Variants in OSGEPL1 observed in about 807,000 individuals in gnomAD.
The protein encoded by OSGEPL1 is tRNA N6-adenosine threonylcarbamoyltransferase, mitochondrial.
Under a neutral mutation model 37.2 loss-of-function variants are expected in OSGEPL1, and 26 were observed. That is an observed-to-expected ratio of 0.70 (90% CI 0.51 to 0.97). The LOEUF is 0.97. Among genes scored for constraint, OSGEPL1 ranks in the 50% least tolerant of loss-of-function variants. The probability of loss-of-function intolerance (pLI) is 0.00; values close to 1 mark genes in which losing one functional copy is unlikely to be tolerated. For missense variants in OSGEPL1, 404 were observed against 487.0 expected (o/e 0.83, Z 1.60); for synonymous variants, 140 against 159.9 (o/e 0.88, Z 0.94).
chr2:189,762,206 T>A (rs904766824), intron 1 of OSGEPL1, among the ~76,000 whole-genome samples: 2 of 152,244 alleles, frequency 1.3e-5, no homozygotes, highest in Non-Finnish European at 2.9e-5. Flanking sequence ...AAATCTCCAC[T>A]TTTTGCTACA....
rs1294219451 is a variant in OSGEPL1 at position 189,761,748 on chromosome 2, A to G, written c.-20-88T>C. On this transcript the variant is annotated intron_variant, in intron 1 of 8. Transcript: ENST00000264151. ...ATATATAGTTTTACAGAATTACAGG[A>G]AAGTTTGTAAAAGTCACCAAAAGTT... is the stretch of plus-strand genomic sequence containing the variant. 5 of 1,338,896 alleles carry G rather than the reference A, an allele frequency of 3.7e-6. No homozygotes were observed. The African/African-American group carries it at 4.5e-5, about 12-fold the overall frequency. The allele number at this position is 1,338,896 out of a possible 1,614,324, so 82.9% of individuals were successfully genotyped here. A position where few individuals can be genotyped will look rare whatever the true frequency, so the allele number is the denominator to read the frequency against.
chr2:189,755,164 CTTAA>C lies in OSGEPL1; in HGVS notation c.609+5_609+8del. ...ACAAAAAAGAATGGAGAAATTAATT[CTTAA>C]TTACCTTGTCAAGCATGTCACCTGG... On this transcript the variant is annotated splice_donor_5th_base_variant and intron_variant, in intron 3 of 8. Transcript: ENST00000264151. The C allele has an allele frequency of 6.3e-7, 1 of 1,592,528 alleles. No individual in the cohort carries two copies. The highest frequency in any genetic ancestry group is 8.5e-7 in the Non-Finnish European group (1 of 1,174,908).
At position 189,747,138 on chromosome 2, in the gene OSGEPL1, C is replaced by A. The variant is rs1232631496; in HGVS notation, c.*59G>T. 6.5e-6 allele frequency: 1 copy of A among 152,966 alleles called. No homozygotes were observed. The highest frequency in any genetic ancestry group is 1.5e-5 in the Non-Finnish European group (1 of 68,850). 9.5% of individuals were successfully genotyped at this position (152,966 alleles called of 1,614,324 possible). A position where few individuals can be genotyped will look rare whatever the true frequency, so the allele number is the denominator to read the frequency against. ...ATCACTTGAATTCAGCAGTTCAGGA[C>A]CAGCCCGGGCAACATGGCAAGAGCC... is the stretch of plus-strand genomic sequence containing the variant. On this transcript the variant is annotated 3_prime_UTR_variant, in exon 9 of 9. Coordinates refer to ENST00000264151, the MANE Select transcript of OSGEPL1 (RefSeq NM_022353.3).
At chr2:189,752,151 A>G (rs1224567150) in intron 7 of OSGEPL1, among the ~76,000 whole-genome samples, 2 of 152,118 alleles carry the variant, frequency 1.3e-5, no homozygotes, top group African/African-American at 4.8e-5. Context: ...AAAAAAAGAA[A>G]AAAAGTAAAG....
Position 189,761,679 on chromosome 2 carries a change from A to G in OSGEPL1, c.-20-19T>C. 3 of 1,486,586 alleles carry G rather than the reference A, an allele frequency of 2.0e-6. No homozygotes were observed. In the African/African-American group the frequency reaches 4.3e-5, roughly 21 times the overall value. The allele number at this position is 1,486,586 out of a possible 1,614,324, so 92.1% of individuals were successfully genotyped here. On this transcript the variant is annotated intron_variant, in intron 1 of 8. Coordinates refer to ENST00000264151, the MANE Select transcript of OSGEPL1 (RefSeq NM_022353.3). ...ATAATTCCTGAAAAAGAATTACAGA[A>G]ACAACTTATTATTTGCAACTGACAT...
Position 189,752,969 on chromosome 2 carries a change from C to T in OSGEPL1, c.974G>A (p.Gly325Asp), listed in dbSNP as rs1379468081. 6.2e-7 allele frequency: 1 copy of T among 1,609,484 alleles called. No homozygotes were observed. Among genetic ancestry groups the T allele is most frequent in the Admixed American group, 1.7e-5 (1 of 58,918 alleles). Residue 325 changes from glycine (G) to aspartate (D), a missense_variant, in exon 6 of 9, where the codon GGT becomes GAT. Physicochemically the swap from Gly to Asp is moderately conservative, Grantham distance 94. Transcript: ENST00000264151. ...GATATAGAAGTTACTTGCGACACCA[C>T]CAGATGCAACCTGAAGGAATTGAGA... ...PQNNAVLVAS[G>D]GVASNFYIRR...
rs1241301070 is a variant in OSGEPL1, at chr2:189,761,578, T to A, written c.63A>T (p.Glu21Asp). Reference protein sequence around the residue: ...FFKPSKRKVYEFLRSFNFHPG... With the variant: ...FFKPSKRKVYDFLRSFNFHPG... ...GATGAAAATTAAAACTTCTTAAAAATTCATAAACTTTCCTTTTTGATGGTT... is the reference window on the plus strand; with the variant it reads ...GATGAAAATTAAAACTTCTTAAAAAATCATAAACTTTCCTTTTTGATGGTT... Residue 21 changes from glutamate (E) to aspartate (D), a missense_variant, in exon 2 of 9, where the codon GAA becomes GAT. Coordinates refer to ENST00000264151, the MANE Select transcript of OSGEPL1 (RefSeq NM_022353.3). The A allele has an allele frequency of 9.3e-6, 15 of 1,610,612 alleles. No individual in the cohort carries two copies. The highest frequency in any genetic ancestry group is 1.1e-5 in the Non-Finnish European group (13 of 1,178,668).
intron 7 of OSGEPL1, 75 bp downstream of exon 7, chr2:189,752,578 C>T (rs2045440595): frequency 3.4e-6 from 5 of 1,452,354 alleles, no homozygotes; most frequent in Non-Finnish European, 4.8e-6. Context: ...ATGAAAACCT[C>T]ATATATAAAG....
rs1308563719 is a variant in OSGEPL1 at position 189,752,646 on chromosome 2, C to T, written c.1166+7G>A. The T allele has an allele frequency of 6.2e-7, 1 of 1,613,352 alleles. No homozygotes were observed. The highest frequency in any genetic ancestry group is 1.1e-5 in the South Asian group (1 of 91,062). ...CTTGCATAAAGATCATGAATGATAC[C>T]ACATACTTTGGTTCATAGCGGATGC... On this transcript the variant is annotated splice_region_variant and intron_variant, in intron 7 of 8. Coordinates refer to ENST00000264151, the MANE Select transcript of OSGEPL1 (RefSeq NM_022353.3).
At chr2:189,750,461 A>T (rs2044995560) in intron 8 of OSGEPL1, 89 bp downstream of exon 8, 4 of 586,202 alleles carry the variant, frequency 6.8e-6, no homozygotes, top group Admixed American at 7.2e-5. Flanking sequence ...GAAAAAAAAA[A>T]ATAAAATCTT....
At chr2:189,762,522 G>T in intron 1 of OSGEPL1, 163 bp downstream of exon 1, 1 of 877,848 alleles carries the variant, frequency 1.1e-6, no homozygotes, top group Non-Finnish European at 1.4e-6. Context: ...AGGATTGTAC[G>T]AAGCACTACC....
Position 189,754,220 on chromosome 2 carries a change from A to G in OSGEPL1, c.735T>C (p.His245=). 5 of 1,613,906 alleles carry G rather than the reference A, an allele frequency of 3.1e-6. No individual in the cohort carries two copies. Among genetic ancestry groups the G allele is most frequent in the Non-Finnish European group, 4.2e-6 (5 of 1,179,826 alleles). The change falls in exon 4 of 9, where the codon CAT becomes CAC. Residue 245 remains histidine, a synonymous_variant. Transcript: ENST00000264151. ...TAAAAGAAAAATCACAATTTTTAGC[A>G]TGATGCAAGGGAGGTTTGATGTCAA... is the stretch of plus-strand genomic sequence containing the variant. ...FHFDIKPPLH[H]AKNCDFSFTG...
chr2:189,748,561 T>C (rs1284480983), intron 8 of OSGEPL1, among the ~76,000 whole-genome samples: 3 of 152,220 alleles, frequency 2.0e-5, no homozygotes, highest in Non-Finnish European at 4.4e-5. Context: ...AATCTTCATA[T>C]TTACTTCTAA....
chr2:189,751,920 TG>T (rs375446143), intron 7 of OSGEPL1, among the ~76,000 whole-genome samples: 9 of 150,516 alleles, frequency 6.0e-5, no homozygotes, highest in African/African-American at 1.7e-4. Flanking sequence ...CCGAGGTGGG[TG>T]GATCACTTGA....
chr2:189,758,093 A>G (rs2046355854), intron 2 of OSGEPL1, among the ~76,000 whole-genome samples: 1 of 151,982 alleles, frequency 6.6e-6, no homozygotes, highest in African/African-American at 2.4e-5. Flanking sequence ...TTGTTGTTTA[A>G]AAGTGTGGGC....
chr2:189,758,623 C>G (rs557619656), intron 2 of OSGEPL1, among the ~76,000 whole-genome samples: 1 of 152,284 alleles, frequency 6.6e-6, no homozygotes, highest in South Asian at 2.1e-4. Context: ...TGAACTAACA[C>G]AGGTTATAAT....
intron 5 of OSGEPL1, among the ~76,000 whole-genome samples, chr2:189,753,502 C>T (rs766378350): frequency 1.3e-5 from 2 of 152,048 alleles, no homozygotes; most frequent in Non-Finnish European, 2.9e-5. Context: ...ACTTTATCAA[C>T]ATTAGTGTCA....
intron 2 of OSGEPL1, among the ~76,000 whole-genome samples, chr2:189,756,709 ATTTAAG>A (rs1172297977): frequency 3.3e-5 from 5 of 151,996 alleles, no homozygotes; most frequent in East Asian, 3.9e-4. Flanking sequence ...CACTCTCCGC[ATTTAAG>A]TTTATCACCA....
chr2:189,761,477 TCCA>T lies in OSGEPL1; in HGVS notation c.161_163del (p.Val54del), dbSNP rs776722119. The T allele has an allele frequency of 5.6e-6, 9 of 1,612,714 alleles. No individual in the cohort carries two copies. Among genetic ancestry groups the T allele is most frequent in the Non-Finnish European group, 5.1e-6 (6 of 1,179,524 alleles). On this transcript the variant is annotated inframe_deletion, in exon 2 of 9. Coordinates refer to ENST00000264151, the MANE Select transcript of OSGEPL1 (RefSeq NM_022353.3). Reference sequence around the variant, plus strand: ...TTCTCCCAACACATTTCCAGTTTCATCCACCACAGCAGCTGCTGTATCATCACA... The same window carrying T: ...TTCTCCCAACACATTTCCAGTTTCATCCACAGCAGCTGCTGTATCATCACA...
Sources: allele counts gnomAD v4.1 joint callset (sites outside exome capture counted in the v4.1 genomes callset), GRCh38; gene constraint gnomAD v4.1.1; transcripts MANE v1.5; gene names NCBI Gene and HGNC (gene_info 2026-07-23, HGNC 2026-07-21).